ADAMTS12: variants seen among roughly 807,000 people sequenced by gnomAD.
ADAMTS12 encodes ADAM metallopeptidase with thrombospondin type 1 motif 12.
In ADAMTS12, 118 loss-of-function variants were observed where a neutral mutation model predicts 167.8. That is an observed-to-expected ratio of 0.70 (90% CI 0.61 to 0.82). The LOEUF (loss-of-function observed/expected upper bound fraction) is 0.82, where lower values mean the gene tolerates loss of function less well. Ranked by LOEUF, ADAMTS12 falls within the 40% of genes least tolerant of loss-of-function variation. The pLI is 0.00. For synonymous variants in ADAMTS12, 704 were observed against 716.9 expected, an observed-to-expected ratio of 0.98 and a Z score of 0.29; for missense variants, 1,916 against 1,998.8, an observed-to-expected ratio of 0.96 and a Z score of 0.79.
At chr5:33,805,507 C>T in intron 2 of ADAMTS12, among the ~76,000 whole-genome samples, 1 of 152,154 alleles carries the variant, frequency 6.6e-6, no homozygotes, top group East Asian at 1.9e-4. Flanking sequence ...CAATTGATCA[C>T]ATTAGGAGGA....
chr5:33,643,511 G>C (rs1339509449), intron 9 of ADAMTS12, 41 bp from the exon 10 acceptor site: 1 of 1,580,930 alleles, frequency 6.3e-7, no homozygotes, highest in Non-Finnish European at 8.7e-7. Context: ...TTCAAAACCT[G>C]CCACAAAGCA....
intron 14 of ADAMTS12, 104 bp from the exon 15 acceptor site, chr5:33,616,176 T>G: frequency 6.8e-7 from 1 of 1,470,520 alleles, no homozygotes; most frequent in Non-Finnish European, 9.1e-7. Flanking sequence ...TCCCCATCAT[T>G]TAGTGACCTT....
intron 3 of ADAMTS12, among the ~76,000 whole-genome samples, chr5:33,710,013 T>C (rs779999730): frequency 1.9e-4 from 29 of 152,126 alleles, no homozygotes; most frequent in Admixed American, 7.9e-4. Context: ...ATGGTTACAA[T>C]CACTTAAACT....
intron 2 of ADAMTS12, among the ~76,000 whole-genome samples, chr5:33,785,465 G>C (rs750459919): frequency 6.6e-6 from 1 of 152,076 alleles, no homozygotes; most frequent in Non-Finnish European, 1.5e-5. Context: ...GTGTGTGTAC[G>C]TGTGTGTTTG....
At chr5:33,854,705 A>G (rs1749338059) in intron 2 of ADAMTS12, among the ~76,000 whole-genome samples, 1 of 152,174 alleles carries the variant, frequency 6.6e-6, no homozygotes, top group African/African-American at 2.4e-5. Context: ...AGAAAGACAA[A>G]AAGGGAGGGA....
Position 33,716,707 on chromosome 5 carries a change from C to T in ADAMTS12, c.635-32652G>A, listed in dbSNP as rs149288592. ...TGACCAAAGGAACACAGTTCAGCCA[C>T]GAACAAAATACATTTTGAAAAAACT... is the stretch of plus-strand genomic sequence containing the variant. On this transcript the variant is annotated intron_variant, in intron 3 of 23. Transcript: ENST00000504830. Among the ~76,000 whole-genome samples, 268 of 152,138 alleles carry T rather than the reference C, an allele frequency of 1.8e-3. 1 individual carries two copies. The highest frequency in any genetic ancestry group is 5.7e-3 in the African/African-American group (237 of 41,520).
At chr5:33,754,818 T>C (rs1260000377) in intron 2 of ADAMTS12, among the ~76,000 whole-genome samples, 1 of 152,094 alleles carries the variant, frequency 6.6e-6, no homozygotes, top group African/African-American at 2.4e-5. Context: ...ATTGCGCCAT[T>C]GCACTCCAGC....
At chr5:33,819,988 A>C (rs1747811076) in intron 2 of ADAMTS12, among the ~76,000 whole-genome samples, 1 of 152,180 alleles carries the variant, frequency 6.6e-6, no homozygotes, top group Non-Finnish European at 1.5e-5. Context: ...TCTGCTGTTG[A>C]AGGACACATG....
intron 3 of ADAMTS12, among the ~76,000 whole-genome samples, chr5:33,719,054 TTAATCTTCCTCAC>T (rs1417857225): frequency 6.6e-6 from 1 of 152,208 alleles, no homozygotes; most frequent in Non-Finnish European, 1.5e-5. Flanking sequence ...CTTGCGGTGC[TTAATCTTCCTCAC>T]AGCCCTGTGA....
chr5:33,555,496 GC>G (rs1223758627), intron 20 of ADAMTS12, among the ~76,000 whole-genome samples: 1 of 152,140 alleles, frequency 6.6e-6, no homozygotes, highest in African/African-American at 2.4e-5. Flanking sequence ...GTGATTGCCT[GC>G]CTTGGCCTCC....
At chr5:33,850,079 C>CA (rs1285623159) in intron 2 of ADAMTS12, among the ~76,000 whole-genome samples, 2 of 152,166 alleles carry the variant, frequency 1.3e-5, no homozygotes, top group Non-Finnish European at 2.9e-5. Flanking sequence ...AGATTCCTCT[C>CA]ACGGAGATTT....
chr5:33,659,948 A>C (rs1741196140), intron 6 of ADAMTS12, among the ~76,000 whole-genome samples: 1 of 152,192 alleles, frequency 6.6e-6, no homozygotes, highest in Non-Finnish European at 1.5e-5. Flanking sequence ...GACATTTGGC[A>C]ATGTCTGCAG....
At chr5:33,557,322 G>A (rs1413274945) in intron 20 of ADAMTS12, among the ~76,000 whole-genome samples, 1 of 152,194 alleles carries the variant, frequency 6.6e-6, no homozygotes, top group Non-Finnish European at 1.5e-5. Context: ...CAAATGATCA[G>A]TTCGGCAGAA....
intron 2 of ADAMTS12, among the ~76,000 whole-genome samples, chr5:33,773,933 G>A (rs1380919436): frequency 6.6e-6 from 1 of 152,090 alleles, no homozygotes; most frequent in African/African-American, 2.4e-5. Context: ...CTATTAGGTT[G>A]GTGCAAAAGT....
chr5:33,891,563 TGA>T, intron 1 of ADAMTS12, 165 bp downstream of exon 1: 1 of 961,524 alleles, frequency 1.0e-6, no homozygotes, highest in Non-Finnish European at 1.5e-6. Context: ...CACTGAATTC[TGA>T]GAAAGCCTAG....
At chr5:33,613,055 G>C (rs1738806068) in intron 16 of ADAMTS12, among the ~76,000 whole-genome samples, 1 of 152,182 alleles carries the variant, frequency 6.6e-6, no homozygotes. Flanking sequence ...GCAGAGACCT[G>C]GTATGTGAGA....
At chr5:33,832,408 C>T (rs1392028452) in intron 2 of ADAMTS12, among the ~76,000 whole-genome samples, 1 of 152,052 alleles carries the variant, frequency 6.6e-6, no homozygotes, top group Non-Finnish European at 1.5e-5. Flanking sequence ...AAAAAAAAAC[C>T]CTTTGGATAT....
At position 33,658,059 on chromosome 5, in the gene ADAMTS12, G is replaced by C. The variant is rs368859551; in HGVS notation, c.1190+125C>G. 26 of 1,240,628 alleles carry C rather than the reference G, an allele frequency of 2.1e-5. 1 individual carries two copies. The highest frequency in any genetic ancestry group is 1.0e-5 in the Non-Finnish European group (9 of 878,740). 76.9% of individuals were successfully genotyped at this position (1,240,628 alleles called of 1,614,324 possible). A position where few individuals can be genotyped will look rare whatever the true frequency, so the allele number is the denominator to read the frequency against. ...TGAAAGCAGAGGTTGAGGAGGGTGA[G>C]TCACAAGCCACAGTATAATCTGAGT... is the stretch of plus-strand genomic sequence containing the variant. On this transcript the variant is annotated intron_variant, in intron 7 of 23. Coordinates refer to ENST00000504830, the MANE Select transcript of ADAMTS12 (RefSeq NM_030955.4).
At chr5:33,847,452 G>A (rs1214185978) in intron 2 of ADAMTS12, among the ~76,000 whole-genome samples, 3 of 151,878 alleles carry the variant, frequency 2.0e-5, no homozygotes, top group South Asian at 4.2e-4. Context: ...GAGAAACCCC[G>A]TCTCTACTAA....
Sources: allele counts gnomAD v4.1 joint callset (sites outside exome capture counted in the v4.1 genomes callset), GRCh38; gene constraint gnomAD v4.1.1; transcripts MANE v1.5; gene names NCBI Gene and HGNC (gene_info 2026-07-23, HGNC 2026-07-21).